Variants in RIPOR3 observed in about 807,000 individuals in gnomAD.
The protein encoded by RIPOR3 is family with sequence similarity 65 member C.
In RIPOR3, 95 loss-of-function variants were observed where a neutral mutation model predicts 114.3. That is an observed-to-expected ratio of 0.83 (90% CI 0.70 to 0.99). The LOEUF (loss-of-function observed/expected upper bound fraction) is 0.99. RIPOR3 is among the 50% of genes least tolerant of loss of function. The pLI is 0.00. For missense variants in RIPOR3, 1,252 were observed against 1,266.9 expected (o/e 0.99, Z 0.18); for synonymous variants, 575 against 543.8 (o/e 1.06, Z -0.80).
chr20:50,656,093 C>T (rs1355315559), intron 1 of RIPOR3, among the ~76,000 whole-genome samples: 1 of 151,984 alleles, frequency 6.6e-6, no homozygotes, highest in Non-Finnish European at 1.5e-5. Context: ...CTGCAACCTC[C>T]ACCTCCTGGG....
intron 1 of RIPOR3, among the ~76,000 whole-genome samples, chr20:50,639,768 C>G (rs948730085): frequency 6.6e-6 from 1 of 152,138 alleles, no homozygotes; most frequent in Non-Finnish European, 1.5e-5. Context: ...TACGCCTGAC[C>G]TAGGTCCCAG....
chr20:50,677,733 G>A (rs1325960615), intron 1 of RIPOR3, among the ~76,000 whole-genome samples: 2 of 147,102 alleles, frequency 1.4e-5, no homozygotes, highest in East Asian at 2.0e-4. Flanking sequence ...GCAGTGGGGC[G>A]ATCTCAGCTC....
intron 2 of RIPOR3, among the ~76,000 whole-genome samples, chr20:50,621,418 A>G (rs1454214191): frequency 1.3e-5 from 2 of 152,176 alleles, no homozygotes; most frequent in African/African-American, 4.8e-5. Flanking sequence ...TAGCCTGACT[A>G]ATCAACATGC....
At chr20:50,685,895 T>C (rs1380078865) in intron 1 of RIPOR3, among the ~76,000 whole-genome samples, 2 of 151,420 alleles carry the variant, frequency 1.3e-5, no homozygotes. Context: ...TAGGTCTTCA[T>C]GGGCTCACAT....
rs182172826 is a variant in RIPOR3, at chr20:50,644,338, T to A, written c.4-13482A>T. Among the ~76,000 whole-genome samples the A allele has an allele frequency of 2.7e-3, 411 of 152,304 alleles. 5 individuals are homozygous for A. The highest frequency in any genetic ancestry group is 9.5e-3 in the African/African-American group (396 of 41,556). Reference sequence around the variant, plus strand: ...AGTATTTTATAACTGCTAAAATAGATATGTTAATTCTAGTCTTTTCTTGTG... The same window carrying A: ...AGTATTTTATAACTGCTAAAATAGAAATGTTAATTCTAGTCTTTTCTTGTG... On this transcript the variant is annotated intron_variant, in intron 1 of 21. Transcript: ENST00000327979.
chr20:50,686,679 A>T (rs1300007029), intron 1 of RIPOR3, among the ~76,000 whole-genome samples: 1 of 151,290 alleles, frequency 6.6e-6, no homozygotes, highest in Non-Finnish European at 1.5e-5. Context: ...TGAACCCAGG[A>T]GGCGGAGGTT....
At chr20:50,647,478 CTTTTTTTTTTTT>C (rs942940961) in intron 1 of RIPOR3, among the ~76,000 whole-genome samples, 3 of 100,354 alleles carry the variant, frequency 3.0e-5, no homozygotes, top group East Asian at 3.0e-4. Flanking sequence ...GCCTCATTCT[CTTTTTTTTTTTT>C]TTTTTTTTTT....
intron 1 of RIPOR3, among the ~76,000 whole-genome samples, chr20:50,638,735 C>A: frequency 6.6e-6 from 1 of 152,176 alleles, no homozygotes; most frequent in East Asian, 1.9e-4. Flanking sequence ...GGAAGCTGGG[C>A]CTCCAAGAAG....
intron 12 of RIPOR3, among the ~76,000 whole-genome samples, chr20:50,604,059 G>A (rs917128468): frequency 6.6e-6 from 1 of 152,062 alleles, no homozygotes; most frequent in African/African-American, 2.4e-5. Flanking sequence ...GCGTGTGCCT[G>A]TAATCCCAGC....
intron 1 of RIPOR3, among the ~76,000 whole-genome samples, chr20:50,660,825 G>A (rs2085968201): frequency 7.4e-6 from 1 of 134,512 alleles, no homozygotes; most frequent in Admixed American, 8.6e-5. Context: ...CACAAACACA[G>A]CTCACTGTAG....
intron 11 of RIPOR3, among the ~76,000 whole-genome samples, chr20:50,604,981 G>A (rs2083652249): frequency 6.6e-6 from 1 of 152,196 alleles, no homozygotes; most frequent in Non-Finnish European, 1.5e-5. Context: ...GGAATGCAGT[G>A]GTGCCACCAC....
At chr20:50,655,080 C>T (rs1281030542) in intron 1 of RIPOR3, among the ~76,000 whole-genome samples, 1 of 152,238 alleles carries the variant, frequency 6.6e-6, no homozygotes, top group African/African-American at 2.4e-5. Context: ...TAAATGAACT[C>T]ATCAACGAAT....
intron 1 of RIPOR3, among the ~76,000 whole-genome samples, chr20:50,655,522 G>A (rs946720396): frequency 6.6e-6 from 1 of 152,180 alleles, no homozygotes; most frequent in Non-Finnish European, 1.5e-5. Context: ...TGTTAAGATC[G>A]CCGACTTAAG....
chr20:50,611,066 A>G (rs551194886), intron 5 of RIPOR3, 115 bp downstream of exon 5: 2 of 1,565,522 alleles, frequency 1.3e-6, no homozygotes, highest in African/African-American at 2.7e-5. Context: ...CCATTCCTAA[A>G]ATGGGGAGGA....
chr20:50,593,525 T>C (rs887194083), intron 17 of RIPOR3, among the ~76,000 whole-genome samples: 1 of 151,724 alleles, frequency 6.6e-6, no homozygotes, highest in East Asian at 1.9e-4. Flanking sequence ...GAGCCAAGAT[T>C]GCGCCACTGC....
At chr20:50,655,451 G>GT (rs1192637345) in intron 1 of RIPOR3, among the ~76,000 whole-genome samples, 1 of 152,228 alleles carries the variant, frequency 6.6e-6, no homozygotes, top group African/African-American at 2.4e-5. Context: ...AATCCTAAGT[G>GT]TATCAAGATG....
At position 50,658,917 on chromosome 20, in the gene RIPOR3, G is replaced by A. The variant is rs370819341; in HGVS notation, c.4-28061C>T. ...CTGCAAATTCTGGTGGACCTGGGAG[G>A]TAAAGGGGAAATACAATCAAGCTCT... is the stretch of plus-strand genomic sequence containing the variant. On this transcript the variant is annotated intron_variant, in intron 1 of 21. Coordinates refer to ENST00000327979, the MANE Select transcript of RIPOR3 (RefSeq NM_001290268.2). Among the ~76,000 whole-genome samples, 45 of 152,226 alleles carry A rather than the reference G, an allele frequency of 3.0e-4. No homozygotes were observed. In the East Asian group the frequency reaches 4.0e-3, roughly 14 times the overall value.
At chr20:50,677,775 T>C (rs1381674712) in intron 1 of RIPOR3, among the ~76,000 whole-genome samples, 7 of 151,574 alleles carry the variant, frequency 4.6e-5, no homozygotes, top group Non-Finnish European at 2.9e-5. Context: ...GTTCAAGTGA[T>C]TCTCCTGCCT....
chr20:50,648,042 A>G (rs1046782382), intron 1 of RIPOR3, among the ~76,000 whole-genome samples: 1 of 151,946 alleles, frequency 6.6e-6, no homozygotes, highest in Non-Finnish European at 1.5e-5. Context: ...TTGGGAGGCC[A>G]AGACGGGTGG....
Sources: allele counts gnomAD v4.1 joint callset (sites outside exome capture counted in the v4.1 genomes callset), GRCh38; gene constraint gnomAD v4.1.1; transcripts MANE v1.5; gene names NCBI Gene and HGNC (gene_info 2026-07-23, HGNC 2026-07-21).